Variants in PSMD8 observed in about 807,000 individuals in gnomAD.
The protein encoded by PSMD8 is 26S proteasome non-ATPase regulatory subunit 8.
Under a neutral mutation model 40.0 loss-of-function variants are expected in PSMD8, and 30 were observed. The observed-to-expected ratio is 0.75, with a 90% CI of 0.56 to 1.02. The LOEUF is 1.02. Ranked by LOEUF, PSMD8 falls within the 50% of genes least tolerant of loss-of-function variation. The pLI, the probability that PSMD8 is intolerant of heterozygous loss-of-function variation, is 0.00. For missense variants in PSMD8, 461 were observed against 463.9 expected (o/e 0.99, Z 0.06); for synonymous variants, 208 against 192.5 (o/e 1.08, Z -0.67).
intron 3 of PSMD8, among the ~76,000 whole-genome samples, chr19:38,378,888 G>T (rs1195102115): frequency 6.6e-6 from 1 of 152,158 alleles, no homozygotes; most frequent in African/African-American, 2.4e-5. Flanking sequence ...GGCAAGCGGA[G>T]GTTGCAGTGA....
intron 6 of PSMD8, chr19:38,382,669 G>A (rs1265947614): frequency 3.8e-6 from 1 of 260,884 alleles, no homozygotes; most frequent in Non-Finnish European, 7.3e-6. Flanking sequence ...CACTCTGGGA[G>A]GCTGAGGTGG....
rs191512939 is a variant in PSMD8 at position 38,377,919 on chromosome 19, C to T, written c.537-1321C>T. On this transcript the variant is annotated intron_variant, in intron 3 of 6. Transcript: ENST00000215071. ...CCTCCCAAAGTGCTTGGATTATAGG[C>T]GTGAGCCACCGCGCCCGGCCAGTAA... Among the ~76,000 whole-genome samples the T allele has an allele frequency of 2.6e-4, 39 of 152,250 alleles. No individual in the cohort carries two copies. In the East Asian group the frequency reaches 5.6e-3, roughly 22 times the overall value.
chr19:38,382,150 C>A lies in PSMD8; in HGVS notation c.837C>A (p.Tyr279Ter). The A allele has an allele frequency of 6.3e-7, 1 of 1,587,272 alleles. No homozygotes were observed. Among genetic ancestry groups the A allele is most frequent in the Non-Finnish European group, 8.6e-7 (1 of 1,167,518 alleles). Residue 279 changes from tyrosine to a stop codon, truncating the protein, a stop_gained, in exon 6 of 7, where the codon TAC (tyrosine) becomes TAA (stop). Transcript: ENST00000215071. LOFTEE classifies it high-confidence loss of function. ...TCGCTGGGTGCATCGAGAAGGCCTA[C>A]GAGAAAATCCTTTTCACTGAGGCCA... ...DEIAGCIEKA[Y>*]EKILFTEATR...
chr19:38,378,287 C>T lies in PSMD8; in HGVS notation c.537-953C>T, dbSNP rs1470947911. Among the ~76,000 whole-genome samples the T allele has an allele frequency of 2.0e-5, 3 of 151,394 alleles. No individual in the cohort carries two copies. In the East Asian group the frequency reaches 5.9e-4, roughly 30 times the overall value. ...CTTTGGGAGGCCAAGGTGGGCGGAT[C>T]ATGAGCTTAGGAGGTTGAGACCATC... is the stretch of plus-strand genomic sequence containing the variant. On this transcript the variant is annotated intron_variant, in intron 3 of 6. Transcript: ENST00000215071.
In PSMD8 at chr19:38,374,614, G is replaced by A; in HGVS notation, c.13G>A (p.Gly5Ser). The change falls in exon 1 of 7, where the codon GGC (glycine) becomes AGC (serine). Residue 5 changes from glycine to serine, a missense_variant. By Grantham distance (56) the Gly-to-Ser change is moderately conservative. Transcript: ENST00000215071. MFIK[G>S]RAPRAPPRER... Reference sequence around the variant, plus strand: ...AGCTCCAACTGACATGTTCATTAAGGGCAGGGCTCCGAGGGCGCCACCTCG... The same window carrying A: ...AGCTCCAACTGACATGTTCATTAAGAGCAGGGCTCCGAGGGCGCCACCTCG... 6 of 1,492,816 alleles carry A rather than the reference G, an allele frequency of 4.0e-6. No individual in the cohort carries two copies. Among genetic ancestry groups the A allele is most frequent in the Non-Finnish European group, 8.9e-7 (1 of 1,127,708 alleles). The allele number at this position is 1,492,816 out of a possible 1,614,324, so 92.5% of individuals were successfully genotyped here.
chr19:38,374,852 C>A lies in PSMD8; in HGVS notation c.251C>A (p.Ser84Ter). The A allele has an allele frequency of 1.3e-6, 2 of 1,581,588 alleles. No individual in the cohort carries two copies. The highest frequency in any genetic ancestry group is 1.7e-6 in the Non-Finnish European group (2 of 1,171,930). Residue 84 changes from serine to a stop codon, truncating the protein, a stop_gained, in exon 1 of 7, where the codon TCG (serine) becomes TAG (stop). Coordinates refer to ENST00000215071, the MANE Select transcript of PSMD8 (RefSeq NM_002812.5). LOFTEE classifies it high-confidence loss of function. Reference sequence around the variant, plus strand: ...TCGAGCTCCGGGCCCGCGGCAACCTCGGGCGCTGTTCTGCAGGCCGCGACC... The same window carrying A: ...TCGAGCTCCGGGCCCGCGGCAACCTAGGGCGCTGTTCTGCAGGCCGCGACC... ...GFSSSGPAAT[S>*]GAVLQAATGM...
At position 38,374,626 on chromosome 19, in the gene PSMD8, AG is replaced by A; in HGVS notation, c.28del (p.Ala10ArgfsTer14). ...CATGTTCATTAAGGGCAGGGCTCCG[AG>A]GGCGCCACCTCGAGAGCGACGGCGG... is the stretch of plus-strand genomic sequence containing the variant. MFIKGRAPRAPPRERRRAT... is the reference protein window; with the variant it reads MFIKGRAPXAPPRERRRAT... On this transcript the variant is annotated frameshift_variant, in exon 1 of 7. Coordinates refer to ENST00000215071, the MANE Select transcript of PSMD8 (RefSeq NM_002812.5). LOFTEE classifies it high-confidence loss of function. 6.6e-7 allele frequency: 1 copy of A among 1,504,614 alleles called. No homozygotes were observed. The allele number at this position is 1,504,614 out of a possible 1,614,324, so 93.2% of individuals were successfully genotyped here.
At chr19:38,376,045 TC>T in intron 1 of PSMD8, 114 bp from the exon 2 acceptor site, 1 of 1,033,904 alleles carries the variant, frequency 9.7e-7, no homozygotes, top group Middle Eastern at 3.0e-4. Flanking sequence ...TCCTCATGAG[TC>T]TGGATGATGG....
Position 38,382,207 on chromosome 19 carries a change from G to T in PSMD8, c.894G>T (p.Lys298Asn), listed in dbSNP as rs374571539. The T allele has an allele frequency of 5.0e-6, 8 of 1,594,884 alleles. No homozygotes were observed. The highest frequency in any genetic ancestry group is 2.3e-5 in the East Asian group (1 of 44,144). ...TCCTCTTCTTCAACACACCCAAAAA[G>T]ATGACAGACTACGCCAAGAAGGTGG... ...TRILFFNTPK[K>N]MTDYAKKRGW... is the part of the protein sequence containing the mutation. The change falls in exon 6 of 7, where the codon AAG (lysine) becomes AAT (asparagine). Residue 298 changes from lysine (K) to asparagine (N), a missense_variant. Physicochemically the swap from Lys to Asn is moderately conservative, Grantham distance 94 (BLOSUM62 0). This residue lies in a region of PSMD8 where 236 missense variants were observed against 321.2 expected (regional missense o/e 0.73). Coordinates refer to ENST00000215071, the MANE Select transcript of PSMD8 (RefSeq NM_002812.5).
At chr19:38,381,935 G>A (rs1970643743) in intron 5 of PSMD8, among the ~76,000 whole-genome samples, 182 bp from the exon 6 acceptor site, 2 of 152,152 alleles carry the variant, frequency 1.3e-5, no homozygotes, top group Admixed American at 6.5e-5. Context: ...GCCCTTGCTT[G>A]CTTTGCGAGT....
intron 6 of PSMD8, 120 bp downstream of exon 6, chr19:38,382,348 C>T (rs1237475527): frequency 1.3e-6 from 1 of 791,262 alleles, no homozygotes; most frequent in Admixed American, 2.1e-5. Flanking sequence ...AACTGTGTGA[C>T]TCTAGGCAAG....
chr19:38,383,250 C>A lies in PSMD8; in HGVS notation c.916-3C>A. On this transcript the variant is annotated splice_polypyrimidine_tract_variant and splice_region_variant and intron_variant, in intron 6 of 6. Coordinates refer to ENST00000215071, the MANE Select transcript of PSMD8 (RefSeq NM_002812.5). ...CTCGTCTCTAATCCCTCCTTTCCTGCAGCGAGGGTGGGTCCTGGGCCCCAA... is the reference window on the plus strand; with the variant it reads ...CTCGTCTCTAATCCCTCCTTTCCTGAAGCGAGGGTGGGTCCTGGGCCCCAA... 1 of 1,612,496 alleles carries A rather than the reference C, an allele frequency of 6.2e-7. No homozygotes were observed. The highest frequency in any genetic ancestry group is 8.5e-7 in the Non-Finnish European group (1 of 1,179,862).
At chr19:38,381,987 AG>A (rs1388909435) in intron 5 of PSMD8, 129 bp from the exon 6 acceptor site, 25 of 659,158 alleles carry the variant, frequency 3.8e-5, no homozygotes, top group Non-Finnish European at 5.8e-5. Context: ...TGAATAAAAC[AG>A]GGCCCTTCAC....
At chr19:38,376,108 C>G in intron 1 of PSMD8, 52 bp from the exon 2 acceptor site, 1 of 1,486,588 alleles carries the variant, frequency 6.7e-7, no homozygotes, top group Non-Finnish European at 9.2e-7. Flanking sequence ...GGTAAGTCAT[C>G]TGTATTTGAA....
rs1265231854 is a variant in PSMD8 at position 38,374,625 on chromosome 19, G to A, written c.24G>A (p.Pro8=). The change falls in exon 1 of 7, where the codon CCG becomes CCA. Residue 8 remains proline, a synonymous_variant. Coordinates refer to ENST00000215071, the MANE Select transcript of PSMD8 (RefSeq NM_002812.5). MFIKGRA[P]RAPPRERRRA... ...ACATGTTCATTAAGGGCAGGGCTCC[G>A]AGGGCGCCACCTCGAGAGCGACGGC... The A allele has an allele frequency of 9.3e-6, 14 of 1,503,952 alleles. No individual in the cohort carries two copies. Among genetic ancestry groups the A allele is most frequent in the Non-Finnish European group, 1.2e-5 (14 of 1,133,272 alleles). The allele number at this position is 1,503,952 out of a possible 1,614,324, so 93.2% of individuals were successfully genotyped here.
In PSMD8 at chr19:38,383,422, A is replaced by C; in HGVS notation, c.*32A>C. The C allele has an allele frequency of 6.2e-7, 1 of 1,613,494 alleles. No homozygotes were observed. Among genetic ancestry groups the C allele is most frequent in the East Asian group, 2.2e-5 (1 of 44,874 alleles). Reference sequence around the variant, plus strand: ...CGGGCACTGGGTGGGGCAGGGCACGAGTTATTTAAAACAGTTACACTGCAG... The same window carrying C: ...CGGGCACTGGGTGGGGCAGGGCACGCGTTATTTAAAACAGTTACACTGCAG... On this transcript the variant is annotated 3_prime_UTR_variant, in exon 7 of 7. Coordinates refer to ENST00000215071, the MANE Select transcript of PSMD8 (RefSeq NM_002812.5).
In PSMD8 at chr19:38,383,597, T is replaced by G. The variant is rs1195870176; in HGVS notation, c.*207T>G. 12 of 667,804 alleles carry G rather than the reference T, an allele frequency of 1.8e-5. No homozygotes were observed. Among genetic ancestry groups the G allele is most frequent in the Admixed American group, 2.9e-5 (1 of 34,214 alleles). The allele number at this position is 667,804 out of a possible 1,614,324, so 41.4% of individuals were successfully genotyped here. On this transcript the variant is annotated 3_prime_UTR_variant, in exon 7 of 7. Transcript: ENST00000215071. ...GAGATAGCCTCCAACTGGGTCAGCCTCTGTCTGGTGGGCATTGCTCAGGGT... is the reference window on the plus strand; with the variant it reads ...GAGATAGCCTCCAACTGGGTCAGCCGCTGTCTGGTGGGCATTGCTCAGGGT...
At position 38,381,005 on chromosome 19, in the gene PSMD8, T is replaced by TA. The variant is rs1555743545; in HGVS notation, c.803+7dup. On this transcript the variant is annotated splice_region_variant and intron_variant, in intron 5 of 6. Coordinates refer to ENST00000215071, the MANE Select transcript of PSMD8 (RefSeq NM_002812.5). Reference sequence around the variant, plus strand: ...ATCCTGCTCGACACTATCAGGTGCGTAGCGGGGCCGGGCCCTGTGGAGTTT... The same window carrying TA: ...ATCCTGCTCGACACTATCAGGTGCGTAAGCGGGGCCGGGCCCTGTGGAGTTT... 7 of 1,559,952 alleles carry TA rather than the reference T, an allele frequency of 4.5e-6. No individual in the cohort carries two copies. The highest frequency in any genetic ancestry group is 1.2e-5 in the South Asian group (1 of 84,452).
chr19:38,382,898 C>T (rs572339215), intron 6 of PSMD8: 10 of 225,834 alleles, frequency 4.4e-5, no homozygotes, highest in East Asian at 1.9e-4. Flanking sequence ...GGTGACAGAG[C>T]GAGACTCTGT....
Sources: gnomAD v4.1 joint callset for allele counts (sites outside exome capture counted in the v4.1 genomes callset) on GRCh38, gnomAD v4.1.1 for gene constraint, gnomAD v4.1.1 regional missense constraint, MANE v1.5 for transcripts, NCBI Gene and HGNC (gene_info 2026-07-23, HGNC 2026-07-21) for gene names.